MCTP1: variants seen among roughly 807,000 people sequenced by gnomAD.
MCTP1 encodes the protein multiple C2 and transmembrane domain containing 1.
MCTP1 carries 69 observed loss-of-function variants against 120.6 expected under a neutral mutation model. That is an observed-to-expected ratio of 0.57 (90% CI 0.47 to 0.70). MCTP1 has a LOEUF of 0.70. MCTP1 is among the 30% of genes least tolerant of loss of function. MCTP1 has a pLI of 0.00. For missense variants in MCTP1, 1,203 were observed against 1,248.8 expected, an observed-to-expected ratio of 0.96 and a Z score of 0.55; for synonymous variants, 529 against 493.1, an observed-to-expected ratio of 1.07 and a Z score of -0.96.
At chr5:95,145,949 T>G (rs1760350054) in intron 1 of MCTP1, among the ~76,000 whole-genome samples, 1 of 152,166 alleles carries the variant, frequency 6.6e-6, no homozygotes, top group Non-Finnish European at 1.5e-5. Flanking sequence ...TCTGGAATGG[T>G]TTCAGTGAGA....
intron 1 of MCTP1, among the ~76,000 whole-genome samples, chr5:95,103,886 G>A (rs1009433454): frequency 2.6e-5 from 4 of 152,136 alleles, no homozygotes. Flanking sequence ...GAGACGGGGA[G>A]AAGCAGGAGG....
chr5:95,152,986 A>G (rs1006696087), intron 1 of MCTP1, among the ~76,000 whole-genome samples: 8 of 152,152 alleles, frequency 5.3e-5, no homozygotes, highest in African/African-American at 1.9e-4. Flanking sequence ...TAAAACCATC[A>G]CTTCCATTGA....
At chr5:95,171,633 C>T (rs1747305427) in intron 1 of MCTP1, among the ~76,000 whole-genome samples, 1 of 152,178 alleles carries the variant, frequency 6.6e-6, no homozygotes, top group Admixed American at 6.5e-5. Context: ...TTTCTCTAAA[C>T]TTCTCTTCTC....
At chr5:95,121,676 G>T (rs1758251580) in intron 1 of MCTP1, among the ~76,000 whole-genome samples, 1 of 150,966 alleles carries the variant, frequency 6.6e-6, no homozygotes, top group South Asian at 2.1e-4. Context: ...AACCAGAAAA[G>T]ACCCAGAATA....
intron 1 of MCTP1, among the ~76,000 whole-genome samples, chr5:95,249,898 A>G (rs1039724647): frequency 2.0e-5 from 3 of 152,234 alleles, no homozygotes; most frequent in Non-Finnish European, 4.4e-5. Flanking sequence ...TAAGCAAACT[A>G]TCACAAGGAC....
intron 21 of MCTP1, 60 bp downstream of exon 21, chr5:94,710,758 A>T (rs1756636553): frequency 3.7e-6 from 4 of 1,082,340 alleles, no homozygotes; most frequent in Non-Finnish European, 5.6e-6. Flanking sequence ...CTCATCTCTT[A>T]AACATAGTTT....
intron 1 of MCTP1, among the ~76,000 whole-genome samples, chr5:95,050,870 A>G (rs945632933): frequency 2.0e-5 from 3 of 152,196 alleles, no homozygotes; most frequent in Non-Finnish European, 4.4e-5. Context: ...CTAATTCAAC[A>G]TGACTAGTAT....
chr5:94,757,381 C>T (rs1471668874), intron 19 of MCTP1, among the ~76,000 whole-genome samples: 3 of 152,146 alleles, frequency 2.0e-5, no homozygotes. Context: ...TAAGAAATAT[C>T]ACAACAGCAA....
chr5:95,282,263 A>C (rs1026588239), intron 1 of MCTP1, among the ~76,000 whole-genome samples: 3 of 152,240 alleles, frequency 2.0e-5, no homozygotes, highest in African/African-American at 7.2e-5. Context: ...GCAAAAAGGA[A>C]CATAAAAAAT....
chr5:95,135,605 T>C (rs1759392740), intron 1 of MCTP1, among the ~76,000 whole-genome samples: 1 of 152,194 alleles, frequency 6.6e-6, no homozygotes, highest in African/African-American at 2.4e-5. Flanking sequence ...AAGACTGGCC[T>C]AGCCTCCCAG....
intron 1 of MCTP1, among the ~76,000 whole-genome samples, chr5:95,208,023 G>A (rs71580780): frequency 1.8e-4 from 27 of 148,360 alleles, no homozygotes; most frequent in Non-Finnish European, 3.9e-4. Context: ...GAGAGGGAGA[G>A]AGAGAGAAAG....
intron 1 of MCTP1, among the ~76,000 whole-genome samples, chr5:95,118,709 C>G (rs568624173): frequency 5.3e-5 from 8 of 151,954 alleles, no homozygotes; most frequent in African/African-American, 1.9e-4. Context: ...CCAATGGAAA[C>G]AAAAAAGAGC....
At chr5:95,243,239 T>C (rs1429395866) in intron 1 of MCTP1, among the ~76,000 whole-genome samples, 2 of 152,018 alleles carry the variant, frequency 1.3e-5, no homozygotes, top group African/African-American at 4.8e-5. Flanking sequence ...GAGGGAAATA[T>C]AAAATTGGAA....
chr5:95,026,846 G>A (rs762138792), intron 1 of MCTP1, among the ~76,000 whole-genome samples: 9 of 152,122 alleles, frequency 5.9e-5, no homozygotes, highest in South Asian at 2.1e-4. Flanking sequence ...TTAAAACTTC[G>A]TGACAGATAT....
chr5:95,139,496 C>T (rs995052613), intron 1 of MCTP1, among the ~76,000 whole-genome samples: 4 of 152,156 alleles, frequency 2.6e-5, no homozygotes, highest in Non-Finnish European at 5.9e-5. Flanking sequence ...AACAAGAGAG[C>T]TTCTTTTTTT....
intron 19 of MCTP1, among the ~76,000 whole-genome samples, chr5:94,751,227 G>A (rs546953806): frequency 2.6e-5 from 4 of 152,184 alleles, no homozygotes; most frequent in East Asian, 1.9e-4. Context: ...TAGAAAAAAT[G>A]ATGCTATGAG....
At chr5:95,211,812 A>G (rs1752412622) in intron 1 of MCTP1, among the ~76,000 whole-genome samples, 1 of 152,044 alleles carries the variant, frequency 6.6e-6, no homozygotes. Context: ...GGTTTTATCT[A>G]CTTTTGGTCT....
At chr5:94,864,845 G>C (rs990558042) in intron 17 of MCTP1, among the ~76,000 whole-genome samples, 5 of 151,798 alleles carry the variant, frequency 3.3e-5, no homozygotes, top group African/African-American at 9.7e-5. Context: ...GTACTGAAAA[G>C]AAAGAGAAAA....
intron 1 of MCTP1, among the ~76,000 whole-genome samples, chr5:95,207,330 A>G (rs942381756): frequency 6.6e-6 from 1 of 152,182 alleles, no homozygotes; most frequent in African/African-American, 2.4e-5. Context: ...GTGTTTGATA[A>G]CCTGCAAGTT....
Sources: allele counts gnomAD v4.1 joint callset (sites outside exome capture counted in the v4.1 genomes callset), GRCh38; gene constraint gnomAD v4.1.1; transcripts MANE v1.5; gene names NCBI Gene and HGNC (gene_info 2026-07-23, HGNC 2026-07-21).